The following CREM variants were observed in gnomAD, a reference collection of about 807,000 sequenced individuals.
CREM encodes cAMP responsive element modulator, also known as cAMP-responsive element modulator.
CREM carries 13 observed loss-of-function variants against 37.3 expected under a neutral mutation model. That is an observed-to-expected ratio of 0.35 (90% CI 0.23 to 0.55). The LOEUF is 0.55. Among genes scored for constraint, CREM ranks in the 20% least tolerant of loss-of-function variants. The pLI, the probability that CREM is intolerant of heterozygous loss-of-function variation, is 0.88. For missense variants in CREM, 296 were observed against 362.3 expected (o/e 0.82, Z 1.49); for synonymous variants, 124 against 120.2 (o/e 1.03, Z -0.21).
intron 7 of CREM, chr10:35,209,314 T>A (rs939985354): frequency 1.0e-6 from 1 of 985,328 alleles, no homozygotes; most frequent in African/African-American, 1.7e-5. Context: ...CTTTCCAGCC[T>A]TGTCAGAGTT....
At chr10:35,139,336 C>T (rs111401607) in intron 2 of CREM, among the ~76,000 whole-genome samples, 46,860 of 151,872 alleles carry the variant, frequency 0.31, 7,523 homozygotes, top group South Asian at 0.35. Flanking sequence ...ACCAAGCTGG[C>T]CTCAAACTCC....
intron 3 of CREM, among the ~76,000 whole-genome samples, chr10:35,166,274 A>AG (rs1245049486): frequency 6.6e-6 from 1 of 151,954 alleles, no homozygotes; most frequent in Non-Finnish European, 1.5e-5. Flanking sequence ...AACAAAAAAA[A>AG]CAGCTAGGCC....
At chr10:35,141,329 T>C (rs929126094) in intron 2 of CREM, among the ~76,000 whole-genome samples, 1 of 152,184 alleles carries the variant, frequency 6.6e-6, no homozygotes, top group Non-Finnish European at 1.5e-5. Flanking sequence ...AAAGAAGTAT[T>C]TTAAGCAGAA....
rs145140386 is a variant in CREM, at chr10:35,170,359, C to A, written c.169-8530C>A. On this transcript the variant is annotated intron_variant, in intron 3 of 7. Transcript: ENST00000685392. ...TCATCAGGGATATTGTTCTAAAATT[C>A]TCTTTTTTTGTTCTGTCTCTGCCAG... 7.0e-3 allele frequency among the ~76,000 whole-genome samples: 1,070 copies of A among 152,204 alleles called. 17 individuals carry two copies. The highest frequency in any genetic ancestry group is 0.024 in the African/African-American group (1,006 of 41,506).
At chr10:35,178,221 A>G (rs2094184181) in intron 3 of CREM, among the ~76,000 whole-genome samples, 2 of 152,188 alleles carry the variant, frequency 1.3e-5, no homozygotes. Flanking sequence ...TTTAATAATC[A>G]TATCACTGTA....
chr10:35,128,429 G>T (rs2088480214), intron 1 of CREM, among the ~76,000 whole-genome samples: 1 of 152,046 alleles, frequency 6.6e-6, no homozygotes, highest in African/African-American at 2.4e-5. Flanking sequence ...TGAGAGGTCC[G>T]CTGTGAACAT....
chr10:35,179,426 A>T lies in CREM; in HGVS notation c.409+150A>T, dbSNP rs879233544. The stretch of plus-strand genomic sequence containing the variant: ...TATCATAGAATGAAAGTATATGTTA[A>T]AAAGTGAGATCTTTGTATTGACAGC... On this transcript the variant is annotated intron_variant, in intron 5 of 7. Coordinates refer to ENST00000685392, the MANE Select transcript of CREM (RefSeq NM_183011.2). The T allele has an allele frequency of 2.7e-5, 25 of 915,678 alleles. No individual in the cohort carries two copies. In the Admixed American group the frequency reaches 7.6e-4, roughly 28 times the overall value. The allele number at this position is 915,678 out of a possible 1,614,324, so 56.7% of individuals were successfully genotyped here.
intron 2 of CREM, among the ~76,000 whole-genome samples, chr10:35,140,465 G>A (rs1014157661): frequency 6.6e-6 from 1 of 152,000 alleles, no homozygotes; most frequent in Non-Finnish European, 1.5e-5. Flanking sequence ...CTCTCTGAAC[G>A]TTATTTTTAT....
intron 1 of CREM, among the ~76,000 whole-genome samples, chr10:35,131,390 G>A (rs1422088388): frequency 6.6e-6 from 1 of 151,910 alleles, no homozygotes; most frequent in Non-Finnish European, 1.5e-5. Context: ...ACTTAGAATA[G>A]CAAAATAGCA....
intron 3 of CREM, among the ~76,000 whole-genome samples, chr10:35,160,735 TA>T (rs1293515533): frequency 2.0e-5 from 3 of 152,250 alleles, no homozygotes; most frequent in Admixed American, 1.3e-4. Flanking sequence ...CACAGCTGCA[TA>T]AAAATGTTTT....
chr10:35,188,668 T>G (rs1042617915), intron 6 of CREM, among the ~76,000 whole-genome samples: 6 of 151,592 alleles, frequency 4.0e-5, no homozygotes, highest in African/African-American at 1.5e-4. Context: ...AATTTTTTTT[T>G]TTTTTTTTTG....
At chr10:35,157,767 A>G (rs1036089820) in intron 3 of CREM, among the ~76,000 whole-genome samples, 5 of 152,202 alleles carry the variant, frequency 3.3e-5, no homozygotes, top group Non-Finnish European at 2.9e-5. Flanking sequence ...GAAGAAGTCA[A>G]CTTTTCCCTG....
At chr10:35,193,099 A>G (rs986326312) in intron 6 of CREM, among the ~76,000 whole-genome samples, 5 of 152,118 alleles carry the variant, frequency 3.3e-5, no homozygotes, top group Non-Finnish European at 4.4e-5. Flanking sequence ...GTGAGTTCCT[A>G]CTGTACTTCC....
chr10:35,205,966 A>T (rs981678531), intron 6 of CREM, among the ~76,000 whole-genome samples: 1 of 151,762 alleles, frequency 6.6e-6, no homozygotes, highest in Non-Finnish European at 1.5e-5. Flanking sequence ...CTAAAAAAAA[A>T]AGCCAGGCGC....
At chr10:35,140,828 TA>T (rs1469023134) in intron 2 of CREM, among the ~76,000 whole-genome samples, 1 of 152,152 alleles carries the variant, frequency 6.6e-6, no homozygotes, top group Non-Finnish European at 1.5e-5. Context: ...AGATTAGATG[TA>T]AAAGATTAAA....
Position 35,179,291 on chromosome 10 carries a change from A to G in CREM, c.409+15A>G, listed in dbSNP as rs755091891. On this transcript the variant is annotated intron_variant, in intron 5 of 7. Coordinates refer to ENST00000685392, the MANE Select transcript of CREM (RefSeq NM_183011.2). Reference sequence around the variant, plus strand: ...GGGGCAATACAGTATGTATGCTGCAATTCGATATGATACAGTGCTAGCTTT... The same window carrying G: ...GGGGCAATACAGTATGTATGCTGCAGTTCGATATGATACAGTGCTAGCTTT... 1.9e-6 allele frequency: 3 copies of G among 1,612,954 alleles called. No homozygotes were observed. The highest frequency in any genetic ancestry group is 1.1e-5 in the South Asian group (1 of 90,764).
rs1044242626 is a variant in CREM, at chr10:35,154,742, A to G, written c.168+6251A>G. Among the ~76,000 whole-genome samples, 4 of 152,160 alleles carry G rather than the reference A, an allele frequency of 2.6e-5. No homozygotes were observed. The East Asian group carries it at 7.7e-4, about 29-fold the overall frequency. ...TTTTTTCAATAAATGCTAAATCTGTATTATAAAATGTTCCTTAGTCATCCA... is the reference window on the plus strand; with the variant it reads ...TTTTTTCAATAAATGCTAAATCTGTGTTATAAAATGTTCCTTAGTCATCCA... On this transcript the variant is annotated intron_variant, in intron 3 of 7. Transcript: ENST00000685392.
At chr10:35,186,503 G>T (rs554564149) in intron 5 of CREM, among the ~76,000 whole-genome samples, 2 of 151,170 alleles carry the variant, frequency 1.3e-5, no homozygotes, top group African/African-American at 4.8e-5. Flanking sequence ...AAGGACCTTT[G>T]CAACTTGACA....
intron 7 of CREM, among the ~76,000 whole-genome samples, chr10:35,210,938 G>A (rs1012510616): frequency 6.6e-6 from 1 of 152,208 alleles, no homozygotes; most frequent in Admixed American, 6.5e-5. Flanking sequence ...AAATGTGTTT[G>A]TAGAAATTCC....
Sources: allele counts gnomAD v4.1 joint callset (sites outside exome capture counted in the v4.1 genomes callset), GRCh38; gene constraint gnomAD v4.1.1; transcripts MANE v1.5; gene names NCBI Gene and HGNC (gene_info 2026-07-23, HGNC 2026-07-21).